The following TUBA1C variants were observed in gnomAD, a reference collection of about 807,000 sequenced individuals.
TUBA1C encodes the protein tubulin alpha 1c, also known as tubulin alpha-1C chain.
Under a neutral mutation model 34.9 loss-of-function variants are expected in TUBA1C, and 16 were observed. The observed-to-expected ratio is 0.46, with a 90% CI of 0.31 to 0.70. TUBA1C has a LOEUF of 0.70. Ranked by LOEUF, TUBA1C falls within the 30% of genes least tolerant of loss-of-function variation. The probability of loss-of-function intolerance (pLI) is 0.05; values close to 1 mark genes in which losing one functional copy is unlikely to be tolerated. For synonymous variants in TUBA1C, 177 were observed against 215.9 expected (o/e 0.82, Z 1.58); for missense variants, 329 against 587.3 (o/e 0.56, Z 4.55).
chr12:49,270,331 A>G (rs1355745922), intron 3 of TUBA1C: 2 of 397,898 alleles, frequency 5.0e-6, no homozygotes, highest in Non-Finnish European at 9.5e-6. Flanking sequence ...AAGTTCAGAG[A>G]ACAAGAAGCC....
In TUBA1C at chr12:49,235,115, C is replaced by CAAA. The variant is rs550520599; in HGVS notation, c.213+6963_213+6965dup. 8.0e-3 allele frequency among the ~76,000 whole-genome samples: 677 copies of CAAA among 84,160 alleles called. 3 individuals carry two copies. Among genetic ancestry groups the CAAA allele is most frequent in the Middle Eastern group, 0.04 (5 of 126 alleles). The allele number at this position is 84,160 out of a possible 152,430, so 55.2% of individuals were successfully genotyped here. A position where few individuals can be genotyped will look rare whatever the true frequency, so the allele number is the denominator to read the frequency against. ...ACAGGCGTGAGCGACTGCGCCCGGC[C>CAAA]AAAAAAAAAAAAAAAATTAATTTGG... On this transcript the variant is annotated intron_variant, in intron 1 of 3. Coordinates refer to the TUBA1C transcript ENST00000541364.
Position 49,269,995 on chromosome 12 carries a change from A to C in TUBA1C, c.375+19A>C. 2.5e-6 allele frequency: 4 copies of C among 1,614,088 alleles called. No individual in the cohort carries two copies. Among genetic ancestry groups the C allele is most frequent in the Non-Finnish European group, 3.4e-6 (4 of 1,179,902 alleles). On this transcript the variant is annotated intron_variant, in intron 3 of 3. Coordinates refer to ENST00000301072, the MANE Select transcript of TUBA1C (RefSeq NM_032704.5). ...CAAGCTGGTAAGTATAGTACTTTAA[A>C]TAAAGTGGGATGAGAGTTTCTTTTG...
At chr12:49,251,446 C>G (rs536999801) in intron 1 of TUBA1C, among the ~76,000 whole-genome samples, 5 of 152,076 alleles carry the variant, frequency 3.3e-5, no homozygotes, top group South Asian at 4.1e-4. Flanking sequence ...AATATTGATA[C>G]AAAAGTCGTC....
chr12:49,273,436 A>G lies in TUBA1C; in HGVS notation c.*209A>G. On this transcript the variant is annotated 3_prime_UTR_variant, in exon 4 of 4. Coordinates refer to ENST00000301072, the MANE Select transcript of TUBA1C (RefSeq NM_032704.5). Reference sequence around the variant, plus strand: ...GGTCTTGCTCTGTCACCCAGGCTGGAGTGCAGTGGCATGATAATACATAGC... The same window carrying G: ...GGTCTTGCTCTGTCACCCAGGCTGGGGTGCAGTGGCATGATAATACATAGC... 2 of 824,790 alleles carry G rather than the reference A, an allele frequency of 2.4e-6. No homozygotes were observed. Among genetic ancestry groups the G allele is most frequent in the Non-Finnish European group, 1.9e-6 (1 of 530,152 alleles). The allele number at this position is 824,790 out of a possible 1,614,324, so 51.1% of individuals were successfully genotyped here. A position where few individuals can be genotyped will look rare whatever the true frequency, so the allele number is the denominator to read the frequency against.
chr12:49,266,306 T>A (rs1387729702), intron 1 of TUBA1C, among the ~76,000 whole-genome samples: 2 of 139,542 alleles, frequency 1.4e-5, no homozygotes, highest in Non-Finnish European at 3.1e-5. Flanking sequence ...GGCAGGCGCT[T>A]GTAGTCTCAG....
At chr12:49,265,929 C>T (rs571942834) in intron 1 of TUBA1C, among the ~76,000 whole-genome samples, 1 of 123,278 alleles carries the variant, frequency 8.1e-6, no homozygotes, top group South Asian at 2.7e-4. Flanking sequence ...ACAAACCTGG[C>T]GAACATGGTG....
intron 1 of TUBA1C, chr12:49,257,865 T>TC (rs979240067): frequency 1.1e-5 from 2 of 190,458 alleles, no homozygotes; most frequent in Middle Eastern, 2.1e-3. Context: ...GTTTACAATT[T>TC]TTTTTTTTTT....
chr12:49,269,741 C>T, intron 2 of TUBA1C, 54 bp downstream of exon 2: 4 of 1,612,768 alleles, frequency 2.5e-6, no homozygotes, highest in Admixed American at 1.7e-5. Context: ...GACAGGAGGT[C>T]TGTCCTGGGG....
At chr12:49,244,414 A>C (rs1045440286) in intron 1 of TUBA1C, among the ~76,000 whole-genome samples, 1 of 152,178 alleles carries the variant, frequency 6.6e-6, no homozygotes, top group African/African-American at 2.4e-5. Flanking sequence ...GATTAAGAAG[A>C]ATTTACATCT....
rs546222671 is a variant in TUBA1C, at chr12:49,247,156, GA to G, written c.213+18999del. On this transcript the variant is annotated intron_variant, in intron 1 of 3. Transcript: ENST00000541364. ...CTCCATCTCAAAAAAAAAAAAGAAAGAAAAAAAAAGTAAAACAAGAGAAAAG... is the reference window on the plus strand; with the variant it reads ...CTCCATCTCAAAAAAAAAAAAGAAAGAAAAAAAAGTAAAACAAGAGAAAAG... Among the ~76,000 whole-genome samples, 13 of 149,116 alleles carry G rather than the reference GA, an allele frequency of 8.7e-5. No individual in the cohort carries two copies. In the East Asian group the frequency reaches 1.2e-3, roughly 13 times the overall value.
rs915714783 is a variant in TUBA1C at position 49,268,161 on chromosome 12, G to A, written c.4-1304G>A. On this transcript the variant is annotated intron_variant, in intron 1 of 3. Coordinates refer to ENST00000301072, the MANE Select transcript of TUBA1C (RefSeq NM_032704.5). ...GTTGCCCAGGCTGGAGTGCAGTGGC[G>A]AGATCTCTGCAACCGCCACCTCCTG... 8.5e-5 allele frequency among the ~76,000 whole-genome samples: 13 copies of A among 152,076 alleles called. 1 individual carries two copies. Among genetic ancestry groups the A allele is most frequent in the Admixed American group, 7.2e-4 (11 of 15,258 alleles).
Position 49,273,405 on chromosome 12 carries a change from G to A in TUBA1C, c.*178G>A. On this transcript the variant is annotated 3_prime_UTR_variant, in exon 4 of 4. Coordinates refer to ENST00000301072, the MANE Select transcript of TUBA1C (RefSeq NM_032704.5). ...GAGGCTGGTAGATGAAACCACCTGAGTCGAGGGTCTTGCTCTGTCACCCAG... is the reference window on the plus strand; with the variant it reads ...GAGGCTGGTAGATGAAACCACCTGAATCGAGGGTCTTGCTCTGTCACCCAG... The A allele has an allele frequency of 2.6e-6, 3 of 1,154,508 alleles. No individual in the cohort carries two copies. The highest frequency in any genetic ancestry group is 2.7e-4 in the Middle Eastern group (1 of 3,646). 71.5% of individuals were successfully genotyped at this position (1,154,508 alleles called of 1,614,324 possible).
At chr12:49,248,156 T>A (rs1942693025) in intron 1 of TUBA1C, among the ~76,000 whole-genome samples, 1 of 151,332 alleles carries the variant, frequency 6.6e-6, no homozygotes. Flanking sequence ...ACGCCTGTAG[T>A]CCCAGCTACC....
chr12:49,229,298 G>A (rs1409551415), intron 1 of TUBA1C, among the ~76,000 whole-genome samples: 2 of 151,908 alleles, frequency 1.3e-5, no homozygotes, highest in Non-Finnish European at 2.9e-5. Flanking sequence ...TCAGCCTCCC[G>A]AATAACTAGG....
chr12:49,273,263 A>G lies in TUBA1C; in HGVS notation c.*36A>G, dbSNP rs1366265508. On this transcript the variant is annotated 3_prime_UTR_variant, in exon 4 of 4. Transcript: ENST00000301072. ...GTACTTTTACACTCCTTTGTCTTGG[A>G]ACTGTCTTATTTTTGTTCTGTAAAT... 2.5e-6 allele frequency: 4 copies of G among 1,614,054 alleles called. No individual in the cohort carries two copies. Among genetic ancestry groups the G allele is most frequent in the Non-Finnish European group, 3.4e-6 (4 of 1,179,994 alleles).
In TUBA1C at chr12:49,266,261, T is replaced by TAA. The variant is rs35928737; in HGVS notation, c.3+1095_3+1096dup. Among the ~76,000 whole-genome samples, 753 of 79,482 alleles carry TAA rather than the reference T, an allele frequency of 9.5e-3. 5 individuals are homozygous for TAA. Among genetic ancestry groups the TAA allele is most frequent in the African/African-American group, 0.025 (560 of 22,234 alleles). The allele number at this position is 79,482 out of a possible 152,430, so 52.1% of individuals were successfully genotyped here. A position where few individuals can be genotyped will look rare whatever the true frequency, so the allele number is the denominator to read the frequency against. On this transcript the variant is annotated intron_variant, in intron 1 of 3. Transcript: ENST00000301072. Reference sequence around the variant, plus strand: ...TAACACGGTGAAACCCCGTCTCTACTAAAAAAAAAAAAAAAAAAATTAGCT... The same window carrying TAA: ...TAACACGGTGAAACCCCGTCTCTACTAAAAAAAAAAAAAAAAAAAAATTAGCT...
At chr12:49,253,328 G>A (rs574498627) in intron 1 of TUBA1C, among the ~76,000 whole-genome samples, 1 of 152,226 alleles carries the variant, frequency 6.6e-6, no homozygotes, top group African/African-American at 2.4e-5. Flanking sequence ...GAGTTGGTAG[G>A]TGTAAGCTAC....
chr12:49,272,657 G>A lies in TUBA1C; in HGVS notation c.780G>A (p.Val260=). 2 of 1,610,348 alleles carry A rather than the reference G, an allele frequency of 1.2e-6. No homozygotes were observed. Among genetic ancestry groups the A allele is most frequent in the Admixed American group, 1.7e-5 (1 of 59,746 alleles). Residue 260 remains valine, a synonymous_variant, in exon 4 of 4, where the codon GTG becomes GTA. Transcript: ENST00000301072. The part of the protein sequence containing the change: ...VDLTEFQTNL[V]PYPRIHFPLA... The stretch of plus-strand genomic sequence containing the variant: ...TGACAGAATTCCAGACCAACCTGGT[G>A]CCCTACCCCCGCATCCACTTCCCTC...
rs1260364632 is a variant in TUBA1C, at chr12:49,273,907, T to C, written c.*680T>C. On this transcript the variant is annotated 3_prime_UTR_variant, in exon 4 of 4. Transcript: ENST00000301072. Reference sequence around the variant, plus strand: ...GAATTCGAGACCAGCCTGGGCAACATGGTGAAAACCCATCTCTACCAAAAC... The same window carrying C: ...GAATTCGAGACCAGCCTGGGCAACACGGTGAAAACCCATCTCTACCAAAAC... The C allele has an allele frequency of 1.3e-5, 2 of 154,326 alleles. No homozygotes were observed. Among genetic ancestry groups the C allele is most frequent in the East Asian group, 3.8e-4 (2 of 5,224 alleles). 9.6% of individuals were successfully genotyped at this position (154,326 alleles called of 1,614,324 possible).
Sources: allele counts gnomAD v4.1 joint callset (sites outside exome capture counted in the v4.1 genomes callset), GRCh38; gene constraint gnomAD v4.1.1; transcripts MANE v1.5; gene names NCBI Gene and HGNC (gene_info 2026-07-23, HGNC 2026-07-21).